Variants in STAT5B observed in about 807,000 individuals in gnomAD.
The protein encoded by STAT5B is transcription factor STAT5B.
STAT5B carries 21 observed loss-of-function variants against 107.8 expected under a neutral mutation model. That is an observed-to-expected ratio of 0.19 (90% CI 0.14 to 0.28). The LOEUF (loss-of-function observed/expected upper bound fraction) is 0.28, where lower values mean the gene tolerates loss of function less well. STAT5B is among the 10% of genes least tolerant of loss of function. The pLI is 1.00. For synonymous variants in STAT5B, 325 were observed against 401.7 expected, an observed-to-expected ratio of 0.81 and a Z score of 2.28; for missense variants, 565 against 1,008.2, an observed-to-expected ratio of 0.56 and a Z score of 5.95.
At chr17:42,212,834 GCA>G (rs1414995391) in intron 12 of STAT5B, among the ~76,000 whole-genome samples, 3 of 152,200 alleles carry the variant, frequency 2.0e-5, no homozygotes, top group Non-Finnish European at 4.4e-5. Context: ...AATTCAAAAA[GCA>G]CAGACGGCTA....
chr17:42,211,142 A>C (rs982993657), intron 13 of STAT5B, among the ~76,000 whole-genome samples: 1 of 151,848 alleles, frequency 6.6e-6, no homozygotes, highest in African/African-American at 2.4e-5. Flanking sequence ...CGGAGGTTGC[A>C]GTGAGCCCAG....
intron 2 of STAT5B, among the ~76,000 whole-genome samples, chr17:42,230,518 A>C (rs1229197715): frequency 1.3e-5 from 2 of 152,232 alleles, no homozygotes; most frequent in Non-Finnish European, 2.9e-5. Context: ...ACTGCACTGT[A>C]CTAATTCTAA....
intron 1 of STAT5B, among the ~76,000 whole-genome samples, chr17:42,242,476 C>T (rs2080412338): frequency 6.6e-6 from 1 of 152,042 alleles, no homozygotes. Context: ...TCAAACATCC[C>T]CAATCATGGC....
upstream of STAT5B, among the ~76,000 whole-genome samples, chr17:42,278,763 G>A (rs1210213218): frequency 3.3e-5 from 5 of 151,980 alleles, no homozygotes; most frequent in Non-Finnish European, 7.4e-5. Flanking sequence ...GGTGGATCAC[G>A]AGGTCAGGTG....
chr17:42,236,502 C>T (rs180707024), intron 1 of STAT5B, among the ~76,000 whole-genome samples: 2 of 152,296 alleles, frequency 1.3e-5, no homozygotes, highest in Non-Finnish European at 2.9e-5. Flanking sequence ...AGTGCAGTGG[C>T]ATGATCTCGG....
At chr17:42,222,058 T>C (rs1239124606) in intron 5 of STAT5B, among the ~76,000 whole-genome samples, 10 of 141,814 alleles carry the variant, frequency 7.1e-5, no homozygotes, top group Non-Finnish European at 1.5e-4. Flanking sequence ...TGTGTGTCTG[T>C]GTGTGTGCTG....
At chr17:42,234,011 G>A (rs1170716424) in intron 1 of STAT5B, 1 of 152,190 alleles carries the variant, frequency 6.6e-6, no homozygotes, top group African/African-American at 2.4e-5. Context: ...TTTCCATAAT[G>A]TAGAGTTTGG....
chr17:42,209,179 C>T (rs769392651), intron 15 of STAT5B, among the ~76,000 whole-genome samples: 2 of 151,966 alleles, frequency 1.3e-5, no homozygotes, highest in Admixed American at 6.6e-5. Flanking sequence ...GGACTACAGG[C>T]GCACACCATG....
chr17:42,283,577 C>T, the STAT5B span, among the ~76,000 whole-genome samples: 1 of 152,248 alleles, frequency 6.6e-6, no homozygotes, highest in Non-Finnish European at 1.5e-5. Context: ...AGGACAGTCA[C>T]TATGCCTCAG....
intron 16 of STAT5B, among the ~76,000 whole-genome samples, chr17:42,205,634 G>T (rs1414402470): frequency 6.6e-6 from 1 of 152,196 alleles, no homozygotes; most frequent in Admixed American, 6.5e-5. Context: ...TCCTGGCTAG[G>T]TAGAGTGGCT....
rs1468151025 is a variant in STAT5B, at chr17:42,223,364, G to A, written c.550+18C>T. 2 of 1,614,100 alleles carry A rather than the reference G, an allele frequency of 1.2e-6. No homozygotes were observed. The highest frequency in any genetic ancestry group is 1.1e-5 in the South Asian group (1 of 91,078). ...GCCCAATCCTCAAGTTGCACAATGT[G>A]CCTCCACCGCGCCTCACCTTGGATC... On this transcript the variant is annotated intron_variant, in intron 5 of 18. Coordinates refer to ENST00000293328, the MANE Select transcript of STAT5B (RefSeq NM_012448.4).
intron 5 of STAT5B, among the ~76,000 whole-genome samples, chr17:42,221,986 T>G (rs1011025185): frequency 7.1e-6 from 1 of 140,660 alleles, no homozygotes; most frequent in East Asian, 2.2e-4. Context: ...GTGTGTGCTG[T>G]GTGTGGTGTG....
At chr17:42,203,594 C>T (rs1188457987) in intron 16 of STAT5B, among the ~76,000 whole-genome samples, 3 of 152,044 alleles carry the variant, frequency 2.0e-5, no homozygotes, top group African/African-American at 7.2e-5. Context: ...AATGATTTAT[C>T]TTAGGAAGGA....
chr17:42,252,647 T>C (rs1274794799), intron 1 of STAT5B, among the ~76,000 whole-genome samples: 1 of 152,202 alleles, frequency 6.6e-6, no homozygotes, highest in Admixed American at 6.5e-5. Context: ...TGAATCCTTA[T>C]TACAGGAATA....
chr17:42,277,949 G>C (rs529556132), upstream of STAT5B, among the ~76,000 whole-genome samples: 1 of 151,848 alleles, frequency 6.6e-6, no homozygotes, highest in South Asian at 2.1e-4. Flanking sequence ...GTAGAGACGG[G>C]GTTTCACCAT....
At chr17:42,229,118 G>A (rs557806653) in intron 2 of STAT5B, among the ~76,000 whole-genome samples, 2 of 152,192 alleles carry the variant, frequency 1.3e-5, no homozygotes, top group South Asian at 2.1e-4. Flanking sequence ...CTGCACCTCT[G>A]TTTCAACTGG....
intron 1 of STAT5B, among the ~76,000 whole-genome samples, chr17:42,237,122 G>C (rs1325779873): frequency 2.0e-5 from 3 of 152,166 alleles, no homozygotes; most frequent in Non-Finnish European, 2.9e-5. Context: ...AACAACCTAA[G>C]ACAGCCCTGG....
At chr17:42,278,927 C>T (rs1453245781), upstream of STAT5B, among the ~76,000 whole-genome samples, 1 of 151,398 alleles carries the variant, frequency 6.6e-6, no homozygotes, top group Non-Finnish European at 1.5e-5. Context: ...TGCAGTGAGC[C>T]GAGATCACGA....
intron 5 of STAT5B, among the ~76,000 whole-genome samples, chr17:42,222,558 T>G (rs1006016102): frequency 2.0e-5 from 3 of 152,154 alleles, no homozygotes; most frequent in Non-Finnish European, 2.9e-5. Flanking sequence ...TTTTCCCCCT[T>G]AGAGATAGGG....
Sources: allele counts gnomAD v4.1 joint callset (sites outside exome capture counted in the v4.1 genomes callset), GRCh38; gene constraint gnomAD v4.1.1; transcripts MANE v1.5; gene names NCBI Gene and HGNC (gene_info 2026-07-23, HGNC 2026-07-21).